FAM168A: variants seen among roughly 807,000 people sequenced by gnomAD.
FAM168A encodes the protein protein FAM168A.
Under a neutral mutation model 28.5 loss-of-function variants are expected in FAM168A, and 3 were observed. The ratio of observed to expected loss-of-function variants is 0.11; its 90% CI spans 0.05 to 0.27. The LOEUF (loss-of-function observed/expected upper bound fraction) is 0.27. Ranked by LOEUF, FAM168A falls within the 10% of genes least tolerant of loss-of-function variation. The pLI, the probability that FAM168A is intolerant of heterozygous loss-of-function variation, is 1.00. For synonymous variants in FAM168A, 122 were observed against 124.2 expected, an observed-to-expected ratio of 0.98 and a Z score of 0.12; for missense variants, 222 against 311.5, an observed-to-expected ratio of 0.71 and a Z score of 2.16.
At chr11:73,553,654 T>A (rs1943854345) in intron 1 of FAM168A, among the ~76,000 whole-genome samples, 2 of 152,064 alleles carry the variant, frequency 1.3e-5, no homozygotes, top group South Asian at 4.1e-4. Flanking sequence ...TGATCTAGGA[T>A]AATAACTCAA....
intron 1 of FAM168A, among the ~76,000 whole-genome samples, chr11:73,498,708 C>G (rs1438478232): frequency 3.3e-5 from 5 of 152,146 alleles, no homozygotes; most frequent in Non-Finnish European, 7.3e-5. Context: ...TGGCTTGGTC[C>G]CAAGACTTGT....
At chr11:73,481,262 A>C (rs1421378674) in intron 1 of FAM168A, among the ~76,000 whole-genome samples, 2 of 152,178 alleles carry the variant, frequency 1.3e-5, no homozygotes, top group Non-Finnish European at 2.9e-5. Flanking sequence ...AGTTATGTGC[A>C]ACTTTCTCTG....
At chr11:73,501,483 C>T (rs1224976934) in intron 1 of FAM168A, among the ~76,000 whole-genome samples, 1 of 152,172 alleles carries the variant, frequency 6.6e-6, no homozygotes, top group Non-Finnish European at 1.5e-5. Flanking sequence ...GAAATCATAA[C>T]AAACAGTCTC....
Position 73,466,508 on chromosome 11 carries a change from T to C in FAM168A, c.70+1897A>G, listed in dbSNP as rs1487801915. On this transcript the variant is annotated intron_variant, in intron 2 of 7. Coordinates refer to ENST00000356467, the MANE Select transcript of FAM168A (RefSeq NM_015159.3). Reference sequence around the variant, plus strand: ...TTATGATTAATGAAATTATAATTAATATATAGTACCTAGTATGTTCTTACC... The same window carrying C: ...TTATGATTAATGAAATTATAATTAACATATAGTACCTAGTATGTTCTTACC... Among the ~76,000 whole-genome samples the C allele has an allele frequency of 2.6e-5, 4 of 152,168 alleles. No individual in the cohort carries two copies. In the East Asian group the frequency reaches 7.7e-4, roughly 29 times the overall value.
At chr11:73,488,525 C>G (rs1209746221) in intron 1 of FAM168A, among the ~76,000 whole-genome samples, 1 of 152,196 alleles carries the variant, frequency 6.6e-6, no homozygotes, top group Non-Finnish European at 1.5e-5. Context: ...ATCTCACTCT[C>G]AACTAGTGAT....
chr11:73,525,223 A>G (rs77821339), intron 1 of FAM168A, among the ~76,000 whole-genome samples: 2,019 of 152,262 alleles, frequency 0.013, 44 homozygotes, highest in African/African-American at 0.045. Context: ...TTTAAGACTA[A>G]GAAACATACA....
chr11:73,565,292 T>G (rs1259826980), intron 1 of FAM168A, among the ~76,000 whole-genome samples: 1 of 152,198 alleles, frequency 6.6e-6, no homozygotes, highest in Non-Finnish European at 1.5e-5. Context: ...CTTTCCACTA[T>G]ATGCGTAACG....
chr11:73,512,954 T>C (rs372752344), intron 1 of FAM168A, among the ~76,000 whole-genome samples: 1 of 152,130 alleles, frequency 6.6e-6, no homozygotes, highest in African/African-American at 2.4e-5. Context: ...CCAGACACAC[T>C]AGCAAACTCG....
At chr11:73,505,538 A>G (rs1855100348) in intron 1 of FAM168A, among the ~76,000 whole-genome samples, 1 of 152,238 alleles carries the variant, frequency 6.6e-6, no homozygotes. Flanking sequence ...ATTAGCAAAT[A>G]GCAAAAAGTA....
At chr11:73,508,866 T>C (rs796872302) in intron 1 of FAM168A, among the ~76,000 whole-genome samples, 9 of 152,304 alleles carry the variant, frequency 5.9e-5, no homozygotes, top group African/African-American at 1.2e-4. Flanking sequence ...TTTGTGCGTA[T>C]ATGTTGAATA....
intron 3 of FAM168A, among the ~76,000 whole-genome samples, chr11:73,420,478 C>G (rs1021883725): frequency 6.6e-6 from 1 of 152,232 alleles, no homozygotes; most frequent in South Asian, 2.1e-4. Context: ...TTACATGAAC[C>G]TTGCTGGACT....
chr11:73,430,305 C>T, intron 3 of FAM168A: 4 of 223,092 alleles, frequency 1.8e-5, no homozygotes, highest in Non-Finnish European at 2.6e-5. Flanking sequence ...TGTGTGTGTC[C>T]CAAGGGGTGT....
intron 1 of FAM168A, among the ~76,000 whole-genome samples, chr11:73,596,724 A>G (rs1944442805): frequency 6.6e-6 from 1 of 151,822 alleles, no homozygotes; most frequent in African/African-American, 2.4e-5. Context: ...AAAATAATCC[A>G]ACCCAATTCC....
intron 1 of FAM168A, among the ~76,000 whole-genome samples, chr11:73,497,226 G>T (rs1854907979): frequency 6.6e-6 from 1 of 152,074 alleles, no homozygotes; most frequent in Non-Finnish European, 1.5e-5. Context: ...CAGCACTTTG[G>T]GAGGCCCAGA....
At chr11:73,407,785 T>C (rs1866534375) in intron 6 of FAM168A, 142 bp from the exon 7 acceptor site, 1 of 679,348 alleles carries the variant, frequency 1.5e-6, no homozygotes, top group Non-Finnish European at 2.5e-6. Context: ...ACCTGTTTTC[T>C]GCCCTTCTCC....
At chr11:73,560,833 C>T (rs1392622904) in intron 1 of FAM168A, among the ~76,000 whole-genome samples, 4 of 152,128 alleles carry the variant, frequency 2.6e-5, no homozygotes, top group South Asian at 2.1e-4. Flanking sequence ...GAGGCCAAGG[C>T]GGGCACATAG....
At chr11:73,575,007 C>T (rs1354556449) in intron 1 of FAM168A, among the ~76,000 whole-genome samples, 1 of 152,060 alleles carries the variant, frequency 6.6e-6, no homozygotes, top group Admixed American at 6.5e-5. Context: ...ATACATTAAC[C>T]CTAACATCCC....
intron 1 of FAM168A, among the ~76,000 whole-genome samples, chr11:73,543,559 C>T (rs1312475283): frequency 6.6e-6 from 1 of 152,126 alleles, no homozygotes; most frequent in African/African-American, 2.4e-5. Flanking sequence ...CCGCGCTCGG[C>T]CCATTAATTG....
intron 2 of FAM168A, among the ~76,000 whole-genome samples, chr11:73,433,184 C>T (rs1482483310): frequency 1.4e-5 from 2 of 147,666 alleles, no homozygotes; most frequent in African/African-American, 2.5e-5. Context: ...CCTCGGCCTC[C>T]TAAAGTGCTG....
Sources: allele counts gnomAD v4.1 joint callset (sites outside exome capture counted in the v4.1 genomes callset), GRCh38; gene constraint gnomAD v4.1.1; transcripts MANE v1.5; gene names NCBI Gene and HGNC (gene_info 2026-07-23, HGNC 2026-07-21).